The following GALNTL6 variants were observed in gnomAD, a reference collection of about 807,000 sequenced individuals.
GALNTL6 encodes polypeptide N-acetylgalactosaminyltransferase like 6, also known as polypeptide N-acetylgalactosaminyltransferase-like 6.
In GALNTL6, 46 loss-of-function variants were observed where a neutral mutation model predicts 73.7. The observed-to-expected ratio is 0.62, with a 90% CI of 0.49 to 0.80. The LOEUF is 0.80. Among genes scored for constraint, GALNTL6 ranks in the 30% least tolerant of loss-of-function variants. The pLI is 0.00. For missense variants in GALNTL6, 604 were observed against 755.0 expected (o/e 0.80, Z 2.34); for synonymous variants, 259 against 263.7 (o/e 0.98, Z 0.17).
intron 2 of GALNTL6, among the ~76,000 whole-genome samples, chr4:171,955,757 G>C (rs948549452): frequency 1.6e-5 from 2 of 125,658 alleles, no homozygotes; most frequent in Non-Finnish European, 3.8e-5. Flanking sequence ...AAGGCTGTGT[G>C]TGTATACGTG....
intron 2 of GALNTL6, among the ~76,000 whole-genome samples, chr4:171,897,115 T>G (rs1736941516): frequency 6.6e-6 from 1 of 151,986 alleles, no homozygotes; most frequent in Non-Finnish European, 1.5e-5. Context: ...AAAGTGTAAG[T>G]TAGAGACAAA....
intron 5 of GALNTL6, among the ~76,000 whole-genome samples, chr4:172,649,129 G>A (rs1033550636): frequency 6.6e-6 from 1 of 152,140 alleles, no homozygotes; most frequent in Non-Finnish European, 1.5e-5. Context: ...CAAAGCAGAA[G>A]TAGTTGCCTT....
intron 5 of GALNTL6, among the ~76,000 whole-genome samples, chr4:172,552,837 T>TAAAAAAAAAAAAAAAAAAAAA (rs397933315): frequency 1.1e-4 from 9 of 80,410 alleles, no homozygotes; most frequent in African/African-American, 3.5e-4. Context: ...GTAATTGCAG[T>TAAAAAAAAAAAAAAAAAAAAA]AAAAAAAAAA....
intron 7 of GALNTL6, among the ~76,000 whole-genome samples, chr4:172,841,424 A>G (rs1043894136): frequency 6.6e-6 from 1 of 152,162 alleles, no homozygotes; most frequent in Non-Finnish European, 1.5e-5. Flanking sequence ...TCATGCAGCT[A>G]CTATTTGGTT....
intron 5 of GALNTL6, among the ~76,000 whole-genome samples, chr4:172,478,510 C>G (rs995614190): frequency 6.6e-6 from 1 of 152,092 alleles, no homozygotes; most frequent in Non-Finnish European, 1.5e-5. Flanking sequence ...CAAATTAACT[C>G]AAGGTGGATT....
intron 5 of GALNTL6, among the ~76,000 whole-genome samples, chr4:172,701,405 A>C (rs760402033): frequency 3.9e-5 from 6 of 152,268 alleles, no homozygotes; most frequent in Non-Finnish European, 7.4e-5. Context: ...ATTCAGTTAC[A>C]GAATCTAAGA....
rs146093686 is a variant in GALNTL6, at chr4:172,936,665, A to G, written c.1149+5397A>G. On this transcript the variant is annotated intron_variant, in intron 9 of 12. Transcript: ENST00000506823. ...AATTGTGAGTGAACGCCCATTCACA[A>G]TTGTTACTAAGAGAATAAAATACCC... is the stretch of plus-strand genomic sequence containing the variant. Among the ~76,000 whole-genome samples, 815 of 152,290 alleles carry G rather than the reference A, an allele frequency of 5.4e-3. 12 individuals carry two copies. Among genetic ancestry groups the G allele is most frequent in the African/African-American group, 0.019 (774 of 41,562 alleles).
Position 171,883,101 on chromosome 4 carries a change from A to T in GALNTL6, c.138+68383A>T, listed in dbSNP as rs567151371. On this transcript the variant is annotated intron_variant, in intron 2 of 12. Transcript: ENST00000506823. ...CACAGTGGCTCACACCTGTAATCCC[A>T]GCACTCTGGGAGGCCAAGGCAGGTA... Among the ~76,000 whole-genome samples the T allele has an allele frequency of 4.6e-5, 7 of 152,284 alleles. No individual in the cohort carries two copies. In the East Asian group the frequency reaches 1.4e-3, roughly 29 times the overall value.
At chr4:172,203,190 A>G (rs755977873) in intron 2 of GALNTL6, among the ~76,000 whole-genome samples, 16 of 152,214 alleles carry the variant, frequency 1.1e-4, no homozygotes, top group African/African-American at 3.4e-4. Flanking sequence ...TAAAAATGTG[A>G]CCATATAGCT....
rs144590617 is a variant in GALNTL6 at position 172,722,291 on chromosome 4, T to C, written c.554-87070T>C. On this transcript the variant is annotated intron_variant, in intron 5 of 12. Transcript: ENST00000506823. ...GGTTCCATTTCTTAAGTGAAACTTGTATGCAATCTGAAATAAATAAATATG... is the reference window on the plus strand; with the variant it reads ...GGTTCCATTTCTTAAGTGAAACTTGCATGCAATCTGAAATAAATAAATATG... Among the ~76,000 whole-genome samples the C allele has an allele frequency of 5.9e-3, 903 of 152,316 alleles. 13 individuals are homozygous for C. The highest frequency in any genetic ancestry group is 0.018 in the African/African-American group (753 of 41,568).
intron 5 of GALNTL6, among the ~76,000 whole-genome samples, chr4:172,740,560 G>A (rs1561307): frequency 0.36 from 54,583 of 151,978 alleles, 10,854 homozygotes; most frequent in African/African-American, 0.52. Flanking sequence ...GAGTCACCAA[G>A]ACGCATGCTT....
At chr4:172,423,153 A>G (rs1731109099) in intron 5 of GALNTL6, among the ~76,000 whole-genome samples, 1 of 151,964 alleles carries the variant, frequency 6.6e-6, no homozygotes, top group Non-Finnish European at 1.5e-5. Flanking sequence ...GTCTGTGCTA[A>G]CATCATTCTC....
chr4:172,462,378 A>G (rs1388028953), intron 5 of GALNTL6, among the ~76,000 whole-genome samples: 3 of 152,174 alleles, frequency 2.0e-5, no homozygotes, highest in East Asian at 3.8e-4. Context: ...GGGTCTTAAG[A>G]TATAAAAAGT....
chr4:172,146,521 G>A (rs1733931294), intron 2 of GALNTL6, among the ~76,000 whole-genome samples: 1 of 152,110 alleles, frequency 6.6e-6, no homozygotes, highest in Non-Finnish European at 1.5e-5. Context: ...ACATCTACTA[G>A]TTTTCTGCAT....
intron 5 of GALNTL6, among the ~76,000 whole-genome samples, chr4:172,709,010 A>G (rs2111318110): frequency 6.6e-6 from 1 of 152,178 alleles, no homozygotes; most frequent in South Asian, 2.1e-4. Context: ...TTTGAAAACA[A>G]TTTTTTCTAT....
intron 7 of GALNTL6, among the ~76,000 whole-genome samples, chr4:172,854,785 A>G (rs1462996229): frequency 2.0e-5 from 3 of 152,180 alleles, no homozygotes; most frequent in Non-Finnish European, 2.9e-5. Context: ...GTTGTACTAT[A>G]GTGAGTTATA....
chr4:172,170,397 C>A (rs1233219279), intron 2 of GALNTL6, among the ~76,000 whole-genome samples: 2 of 152,056 alleles, frequency 1.3e-5, no homozygotes, highest in East Asian at 3.9e-4. Flanking sequence ...CTCCCCTTCA[C>A]CTTTCGCCAT....
intron 12 of GALNTL6, among the ~76,000 whole-genome samples, chr4:173,026,938 A>G (rs992109052): frequency 5.9e-5 from 9 of 152,114 alleles, no homozygotes; most frequent in Admixed American, 2.0e-4. Flanking sequence ...TTATTGCTTA[A>G]TGTTCTACAT....
chr4:172,123,505 T>TC, intron 2 of GALNTL6, among the ~76,000 whole-genome samples: 1 of 143,746 alleles, frequency 7.0e-6, no homozygotes, highest in East Asian at 2.0e-4. Flanking sequence ...TCATAATTTT[T>TC]TTTTTTTTTT....
Sources: gnomAD v4.1 joint callset for allele counts (sites outside exome capture counted in the v4.1 genomes callset) on GRCh38, gnomAD v4.1.1 for gene constraint, MANE v1.5 for transcripts, NCBI Gene and HGNC (gene_info 2026-07-23, HGNC 2026-07-21) for gene names.